SGCD: variants seen among roughly 807,000 people sequenced by gnomAD.
The protein encoded by SGCD is delta-sarcoglycan.
A neutral mutation model predicts 36.6 loss-of-function variants in SGCD; 18 were observed. The observed-to-expected ratio is 0.49, with a 90% CI of 0.34 to 0.73. The LOEUF (loss-of-function observed/expected upper bound fraction) is 0.73, where lower values mean the gene tolerates loss of function less well. Ranked by LOEUF, SGCD falls within the 30% of genes least tolerant of loss-of-function variation. SGCD has a pLI of 0.01. For synonymous variants in SGCD, 133 were observed against 130.6 expected, an observed-to-expected ratio of 1.02 and a Z score of -0.12; for missense variants, 387 against 346.7, an observed-to-expected ratio of 1.12 and a Z score of -0.92.
chr5:156,388,388 A>C (rs1236743007), intron 3 of SGCD, among the ~76,000 whole-genome samples: 1 of 152,230 alleles, frequency 6.6e-6, no homozygotes, highest in African/African-American at 2.4e-5. Flanking sequence ...CCAGATGCCA[A>C]GCAAATGGCA....
At chr5:156,383,456 A>G (rs995863154) in intron 3 of SGCD, among the ~76,000 whole-genome samples, 1 of 152,258 alleles carries the variant, frequency 6.6e-6, no homozygotes, top group Non-Finnish European at 1.5e-5. Flanking sequence ...GTGGGCCAAG[A>G]TCGCGCCACT....
At chr5:155,736,912 C>T in the SGCD span, among the ~76,000 whole-genome samples, 1 of 152,110 alleles carries the variant, frequency 6.6e-6, no homozygotes, top group Admixed American at 6.6e-5. Flanking sequence ...AGGTGATAGT[C>T]GGATCAGGAA....
At chr5:156,200,464 G>C (rs1764119785) in intron 3 of SGCD, among the ~76,000 whole-genome samples, 2 of 152,058 alleles carry the variant, frequency 1.3e-5, no homozygotes, top group South Asian at 4.1e-4. Context: ...ATATACACAT[G>C]GAAAAGAATG....
chr5:156,575,513 C>A (rs1759903303), intron 4 of SGCD, among the ~76,000 whole-genome samples: 1 of 152,144 alleles, frequency 6.6e-6, no homozygotes, highest in Admixed American at 6.5e-5. Context: ...AAGTTGTGCT[C>A]CACACTCAGC....
intron 3 of SGCD, among the ~76,000 whole-genome samples, chr5:156,231,076 G>A (rs1029936763): frequency 1.3e-5 from 2 of 152,124 alleles, no homozygotes; most frequent in African/African-American, 2.4e-5. Context: ...AATGAGTTTG[G>A]TTTTGAACTT....
At chr5:156,335,027 C>A (rs1321708502) in intron 2 of SGCD, among the ~76,000 whole-genome samples, 1 of 152,174 alleles carries the variant, frequency 6.6e-6, no homozygotes, top group African/African-American at 2.4e-5. Context: ...TTTGAGAATA[C>A]TCCTGAATTC....
chr5:156,611,554 A>G (rs768773249), intron 6 of SGCD, among the ~76,000 whole-genome samples: 2 of 152,104 alleles, frequency 1.3e-5, no homozygotes, highest in African/African-American at 2.4e-5. Flanking sequence ...TTTTGCTTTG[A>G]CTTTTGAAAA....
At chr5:155,777,135 G>A in the SGCD span, among the ~76,000 whole-genome samples, 6 of 152,076 alleles carry the variant, frequency 3.9e-5, no homozygotes, top group East Asian at 3.9e-4. Flanking sequence ...ATGATCTTTT[G>A]CAGCCTTAAA....
chr5:155,839,951 T>TA, the SGCD span, among the ~76,000 whole-genome samples: 2,169 of 151,846 alleles, frequency 0.014, 59 homozygotes, highest in African/African-American at 0.049. Flanking sequence ...TTTTTTTTTT[T>TA]AAATCCCTGG....
intron 1 of SGCD, among the ~76,000 whole-genome samples, chr5:156,073,856 G>T (rs1760675940): frequency 1.3e-5 from 2 of 152,226 alleles, no homozygotes; most frequent in Admixed American, 6.5e-5. Context: ...AGTTGAAAGA[G>T]TTGCTCAAGG....
At chr5:155,857,709 G>T in the SGCD span, among the ~76,000 whole-genome samples, 1 of 151,998 alleles carries the variant, frequency 6.6e-6, no homozygotes, top group African/African-American at 2.4e-5. Flanking sequence ...GCACAAAATA[G>T]ATTATAAAGG....
chr5:156,132,296 G>A (rs936793133), intron 3 of SGCD, among the ~76,000 whole-genome samples: 67 of 151,636 alleles, frequency 4.4e-4, no homozygotes, highest in Admixed American at 3.3e-4. Context: ...TTTCTTCTCT[G>A]GGATCTTTCT....
the SGCD span, among the ~76,000 whole-genome samples, chr5:155,791,446 CA>C: frequency 6.6e-6 from 1 of 152,008 alleles, no homozygotes; most frequent in South Asian, 2.1e-4. Flanking sequence ...AAAAGGCATC[CA>C]AGTAGAAAAA....
chr5:156,491,049 A>G (rs1755915845), intron 3 of SGCD, among the ~76,000 whole-genome samples: 1 of 152,076 alleles, frequency 6.6e-6, no homozygotes, highest in African/African-American at 2.4e-5. Flanking sequence ...ACCAATAGAA[A>G]ACTAGCTGAA....
At chr5:156,450,909 A>G (rs926833608) in intron 3 of SGCD, among the ~76,000 whole-genome samples, 1 of 152,206 alleles carries the variant, frequency 6.6e-6, no homozygotes, top group African/African-American at 2.4e-5. Context: ...TTCAAAAAAA[A>G]GAGCAAAAAA....
At chr5:156,748,797 T>A (rs564627038) in intron 7 of SGCD, among the ~76,000 whole-genome samples, 57 of 152,144 alleles carry the variant, frequency 3.7e-4, no homozygotes, top group African/African-American at 1.3e-3. Flanking sequence ...TAGTTTCAAT[T>A]TTTTCTTTTT....
intron 1 of SGCD, among the ~76,000 whole-genome samples, chr5:155,892,530 A>G (rs889346846): frequency 6.6e-6 from 1 of 151,424 alleles, no homozygotes; most frequent in Admixed American, 6.6e-5. Context: ...CACCTGCCCT[A>G]TGTAAAAGAA....
At chr5:156,271,749 T>C (rs1036176280) in intron 3 of SGCD, among the ~76,000 whole-genome samples, 38 of 152,144 alleles carry the variant, frequency 2.5e-4, no homozygotes, top group African/African-American at 8.7e-4. Context: ...GAGAACATGA[T>C]GGATTTGTGC....
At chr5:156,157,926 T>G (rs1004391068) in intron 3 of SGCD, among the ~76,000 whole-genome samples, 5 of 151,770 alleles carry the variant, frequency 3.3e-5, no homozygotes, top group African/African-American at 9.8e-5. Context: ...AATGATAAGT[T>G]AAAATATTAG....
Sources: allele counts gnomAD v4.1 joint callset (sites outside exome capture counted in the v4.1 genomes callset), GRCh38; gene constraint gnomAD v4.1.1; transcripts MANE v1.5; gene names NCBI Gene and HGNC (gene_info 2026-07-23, HGNC 2026-07-21).